The following KCNAB1 variants were observed in gnomAD, a reference collection of about 807,000 sequenced individuals.
KCNAB1 encodes the protein potassium voltage-gated channel subfamily A regulatory beta subunit 1, also known as voltage-gated potassium channel subunit beta-1.
A neutral mutation model predicts 64.6 loss-of-function variants in KCNAB1; 35 were observed. The observed-to-expected ratio is 0.54, with a 90% CI of 0.41 to 0.72. The LOEUF (loss-of-function observed/expected upper bound fraction) is 0.72, where lower values mean the gene tolerates loss of function less well. KCNAB1 is among the 30% of genes least tolerant of loss of function. KCNAB1 has a pLI of 0.00. For synonymous variants in KCNAB1, 177 were observed against 183.8 expected (o/e 0.96, Z 0.30); for missense variants, 401 against 512.9 (o/e 0.78, Z 2.11).
At chr3:156,171,771 T>G (rs891596273) in intron 1 of KCNAB1, among the ~76,000 whole-genome samples, 3 of 152,184 alleles carry the variant, frequency 2.0e-5, no homozygotes, top group Non-Finnish European at 2.9e-5. Context: ...CATAACCAAC[T>G]CTCTTCTCTG....
intron 8 of KCNAB1, among the ~76,000 whole-genome samples, chr3:156,501,690 C>T (rs1716420837): frequency 6.6e-6 from 1 of 152,110 alleles, no homozygotes; most frequent in African/African-American, 2.4e-5. Flanking sequence ...CCTCAGCCTC[C>T]CAAAGTGCAG....
intron 8 of KCNAB1, among the ~76,000 whole-genome samples, chr3:156,490,741 A>G (rs185428003): frequency 2.8e-4 from 43 of 152,264 alleles, no homozygotes; most frequent in Admixed American, 2.8e-3. Context: ...ACTGAAGGAT[A>G]TCTTGAGAGA....
chr3:156,393,460 A>G (rs1166503972), intron 1 of KCNAB1, among the ~76,000 whole-genome samples: 2 of 151,874 alleles, frequency 1.3e-5, no homozygotes, highest in Non-Finnish European at 2.9e-5. Flanking sequence ...TCTTCTGTAT[A>G]CCCTTCTCTT....
intron 1 of KCNAB1, among the ~76,000 whole-genome samples, chr3:156,298,883 A>C (rs1459068695): frequency 1.3e-5 from 2 of 152,224 alleles, no homozygotes; most frequent in Non-Finnish European, 2.9e-5. Context: ...CTTTTTTAAG[A>C]ATTAGAAATA....
intron 8 of KCNAB1, among the ~76,000 whole-genome samples, chr3:156,483,781 G>A (rs977792183): frequency 5.3e-5 from 8 of 152,032 alleles, no homozygotes; most frequent in Non-Finnish European, 1.0e-4. Context: ...ATTAACAAGA[G>A]GCCCACAAAG....
At position 156,202,518 on chromosome 3, in the gene KCNAB1, C is replaced by T. The variant is rs116592916; in HGVS notation, c.275+81632C>T. 6.8e-3 allele frequency among the ~76,000 whole-genome samples: 1,042 copies of T among 152,282 alleles called. 16 individuals carry two copies. Among genetic ancestry groups the T allele is most frequent in the African/African-American group, 0.024 (991 of 41,550 alleles). On this transcript the variant is annotated intron_variant, in intron 1 of 13. Transcript: ENST00000490337. ...CCTCAGTGGGAGATGTTCTTTCTGG[C>T]TGTGTCTAGTCAGCCATCTTGGAGC...
chr3:156,361,637 A>G (rs1725621478), intron 1 of KCNAB1, among the ~76,000 whole-genome samples: 1 of 152,128 alleles, frequency 6.6e-6, no homozygotes, highest in Non-Finnish European at 1.5e-5. Context: ...TATTTTTAGA[A>G]TTTTTTATTT....
At chr3:156,470,633 C>T (rs1713817712) in intron 7 of KCNAB1, among the ~76,000 whole-genome samples, 1 of 152,212 alleles carries the variant, frequency 6.6e-6, no homozygotes, top group African/African-American at 2.4e-5. Context: ...CTGTGTCCGA[C>T]TCTACATTTG....
intron 1 of KCNAB1, among the ~76,000 whole-genome samples, chr3:156,203,663 A>G (rs1011751868): frequency 3.9e-5 from 6 of 152,248 alleles, no homozygotes; most frequent in African/African-American, 9.6e-5. Flanking sequence ...GTTTTTTGAT[A>G]CTGCCGTCAA....
intron 12 of KCNAB1, among the ~76,000 whole-genome samples, chr3:156,530,490 A>G (rs573682718): frequency 9.2e-5 from 14 of 152,234 alleles, no homozygotes; most frequent in Middle Eastern, 3.4e-3. Context: ...AAGAAAGATG[A>G]CCAAGGGCAA....
At chr3:156,311,279 G>A (rs888570785) in intron 1 of KCNAB1, among the ~76,000 whole-genome samples, 2 of 152,250 alleles carry the variant, frequency 1.3e-5, no homozygotes, top group Non-Finnish European at 2.9e-5. Flanking sequence ...GGAAAAGAGA[G>A]AGAGGGTTCC....
At chr3:156,419,503 A>G (rs926999818) in intron 1 of KCNAB1, among the ~76,000 whole-genome samples, 20 of 142,934 alleles carry the variant, frequency 1.4e-4, no homozygotes, top group Non-Finnish European at 2.7e-4. Flanking sequence ...TCCGTCTCAA[A>G]AAAAAAGAAA....
At chr3:156,534,597 C>T (rs527755967) in intron 13 of KCNAB1, among the ~76,000 whole-genome samples, 4 of 152,202 alleles carry the variant, frequency 2.6e-5, no homozygotes, top group Admixed American at 6.5e-5. Context: ...AGAGCTTCGG[C>T]GATAACAGTG....
intron 1 of KCNAB1, among the ~76,000 whole-genome samples, chr3:156,126,976 G>A (rs1713696565): frequency 6.6e-6 from 1 of 152,174 alleles, no homozygotes. Flanking sequence ...GCCAAAAGTA[G>A]GGATGCCTCT....
At chr3:156,257,482 G>A (rs912966579) in intron 1 of KCNAB1, among the ~76,000 whole-genome samples, 1 of 152,078 alleles carries the variant, frequency 6.6e-6, no homozygotes, top group Admixed American at 6.6e-5. Context: ...GGAGGGATCC[G>A]GGGTGCTTTG....
chr3:156,196,957 T>C (rs13077893), intron 1 of KCNAB1, among the ~76,000 whole-genome samples: 18,043 of 152,194 alleles, frequency 0.12, 1,245 homozygotes, highest in Non-Finnish European at 0.15. Context: ...ATAGCTCTTA[T>C]TATTTTGAGA....
chr3:156,340,753 G>A (rs868650820), intron 1 of KCNAB1, among the ~76,000 whole-genome samples: 13 of 152,250 alleles, frequency 8.5e-5, no homozygotes, highest in Admixed American at 2.0e-4. Flanking sequence ...GATTGGTCAA[G>A]TCAGTGTGAG....
At chr3:156,362,448 G>A (rs756202628) in intron 1 of KCNAB1, among the ~76,000 whole-genome samples, 4 of 152,220 alleles carry the variant, frequency 2.6e-5, no homozygotes, top group Non-Finnish European at 5.9e-5. Context: ...TTGAATTGAA[G>A]AGCAGGATTG....
chr3:156,213,984 G>A (rs559541221), intron 1 of KCNAB1, among the ~76,000 whole-genome samples: 4 of 152,074 alleles, frequency 2.6e-5, no homozygotes, highest in Non-Finnish European at 5.9e-5. Flanking sequence ...TCTTGCCTAC[G>A]TGATGAAGCC....
Sources: allele counts gnomAD v4.1 joint callset (sites outside exome capture counted in the v4.1 genomes callset), GRCh38; gene constraint gnomAD v4.1.1; transcripts MANE v1.5; gene names NCBI Gene and HGNC (gene_info 2026-07-23, HGNC 2026-07-21).